The following KCNQ5 variants were observed in gnomAD, a reference collection of about 807,000 sequenced individuals.
KCNQ5 encodes potassium voltage-gated channel subfamily Q member 5, also known as potassium voltage-gated channel subfamily KQT member 5.
Under a neutral mutation model 98.2 loss-of-function variants are expected in KCNQ5, and 30 were observed. That is an observed-to-expected ratio of 0.31 (90% confidence interval 0.23 to 0.41). The LOEUF (loss-of-function observed/expected upper bound fraction) is 0.41, where lower values mean the gene tolerates loss of function less well. Ranked by LOEUF, KCNQ5 falls within the 10% of genes least tolerant of loss-of-function variation. The pLI is 1.00. For missense variants in KCNQ5, 835 were observed against 1,182.5 expected, an observed-to-expected ratio of 0.71 and a Z score of 4.31; for synonymous variants, 458 against 449.4, an observed-to-expected ratio of 1.02 and a Z score of -0.24.
intron 1 of KCNQ5, among the ~76,000 whole-genome samples, chr6:72,771,570 G>T (rs62410663): frequency 0.088 from 13,412 of 151,612 alleles, 678 homozygotes; most frequent in African/African-American, 0.14. Flanking sequence ...TCATATTTAG[G>T]TGCTCTTCCC....
chr6:73,013,201 C>T (rs1770163126), intron 2 of KCNQ5, among the ~76,000 whole-genome samples: 1 of 152,142 alleles, frequency 6.6e-6, no homozygotes, highest in African/African-American at 2.4e-5. Flanking sequence ...ACACATTCGG[C>T]ATGCAGCATG....
At chr6:73,076,592 G>A (rs944040150) in intron 3 of KCNQ5, among the ~76,000 whole-genome samples, 45 of 152,112 alleles carry the variant, frequency 3.0e-4, no homozygotes, top group Admixed American at 6.6e-4. Flanking sequence ...CAAACATTAA[G>A]TATTCATTCC....
intron 5 of KCNQ5, among the ~76,000 whole-genome samples, chr6:73,085,887 A>G (rs1450233355): frequency 6.6e-6 from 1 of 152,210 alleles, no homozygotes; most frequent in African/African-American, 2.4e-5. Context: ...CACGAAATGT[A>G]ACATTTTTGC....
chr6:73,020,920 GCA>G (rs61611777), intron 2 of KCNQ5, among the ~76,000 whole-genome samples: 6 of 150,642 alleles, frequency 4.0e-5, no homozygotes, highest in Admixed American at 6.6e-5. Flanking sequence ...GCCCACACAT[GCA>G]CACACACACA....
chr6:72,777,965 G>C (rs1773244020), intron 1 of KCNQ5, among the ~76,000 whole-genome samples: 1 of 152,182 alleles, frequency 6.6e-6, no homozygotes, highest in African/African-American at 2.4e-5. Context: ...TTCAGTTAGA[G>C]AAAATCAGTT....
chr6:72,888,143 A>T (rs1778920190), intron 1 of KCNQ5, among the ~76,000 whole-genome samples: 2 of 152,212 alleles, frequency 1.3e-5, no homozygotes, highest in Non-Finnish European at 2.9e-5. Flanking sequence ...TAAAACGTTA[A>T]AATTTGGCAG....
intron 1 of KCNQ5, among the ~76,000 whole-genome samples, chr6:72,831,404 A>G (rs1456589375): frequency 6.6e-6 from 1 of 152,200 alleles, no homozygotes; most frequent in Non-Finnish European, 1.5e-5. Flanking sequence ...CAGCCATAAA[A>G]AAGGATGAGT....
At chr6:73,040,555 C>A (rs548168833) in intron 2 of KCNQ5, among the ~76,000 whole-genome samples, 1 of 152,142 alleles carries the variant, frequency 6.6e-6, no homozygotes, top group East Asian at 1.9e-4. Context: ...ACAAAACCTT[C>A]GGATTATTAA....
intron 1 of KCNQ5, among the ~76,000 whole-genome samples, chr6:72,800,750 C>T (rs1485380354): frequency 1.3e-5 from 2 of 152,266 alleles, no homozygotes; most frequent in African/African-American, 2.4e-5. Context: ...CCTGATTTCT[C>T]TTGTGGGCAT....
At chr6:72,932,713 C>T (rs1315505085) in intron 1 of KCNQ5, among the ~76,000 whole-genome samples, 3 of 152,082 alleles carry the variant, frequency 2.0e-5, no homozygotes, top group East Asian at 1.9e-4. Flanking sequence ...CATTTTTGGA[C>T]GCCTTGTCCT....
chr6:73,151,337 G>A (rs1034664433), intron 10 of KCNQ5, among the ~76,000 whole-genome samples: 2 of 151,958 alleles, frequency 1.3e-5, no homozygotes, highest in African/African-American at 4.8e-5. Flanking sequence ...TGAGTGTACT[G>A]CTAACTTCTG....
intron 1 of KCNQ5, among the ~76,000 whole-genome samples, chr6:72,826,984 T>G (rs953747023): frequency 3.3e-5 from 5 of 152,206 alleles, no homozygotes; most frequent in Non-Finnish European, 5.9e-5. Flanking sequence ...GTGTTTAACT[T>G]TATGTTCCTG....
chr6:72,787,238 C>T (rs960618118), intron 1 of KCNQ5, among the ~76,000 whole-genome samples: 6 of 152,086 alleles, frequency 3.9e-5, no homozygotes, highest in African/African-American at 1.4e-4. Flanking sequence ...GAAAATTGTA[C>T]AAAATTCAAA....
chr6:73,029,904 C>CAA (rs56804434), intron 2 of KCNQ5, among the ~76,000 whole-genome samples: 41,428 of 78,330 alleles, frequency 0.53, 12,225 homozygotes, highest in Non-Finnish European at 0.67. Context: ...GACTCCGTCT[C>CAA]AAAAAAAAAA....
At chr6:73,003,833 C>A in intron 1 of KCNQ5, 75 bp from the exon 2 acceptor site, 1 of 981,502 alleles carries the variant, frequency 1.0e-6, no homozygotes, top group Non-Finnish European at 1.6e-6. Context: ...GTGCTTTATT[C>A]ATTTGAAGCA....
intron 13 of KCNQ5, among the ~76,000 whole-genome samples, chr6:73,192,990 G>A (rs1216456511): frequency 1.4e-5 from 2 of 141,526 alleles, no homozygotes; most frequent in Non-Finnish European, 3.1e-5. Context: ...TGTTTCAGTT[G>A]TTTTTATTGT....
intron 1 of KCNQ5, among the ~76,000 whole-genome samples, chr6:72,881,500 A>G (rs1259286064): frequency 6.6e-6 from 1 of 152,148 alleles, no homozygotes; most frequent in Non-Finnish European, 1.5e-5. Context: ...CAATCATGTG[A>G]CAAGCATGAT....
At chr6:72,628,987 G>A (rs2098919393) in intron 1 of KCNQ5, among the ~76,000 whole-genome samples, 1 of 152,040 alleles carries the variant, frequency 6.6e-6, no homozygotes. Context: ...TTTATTGCTT[G>A]TCTCTCCCCT....
intron 3 of KCNQ5, among the ~76,000 whole-genome samples, chr6:73,046,137 C>T (rs979118951): frequency 3.9e-5 from 6 of 152,130 alleles, no homozygotes; most frequent in African/African-American, 1.4e-4. Context: ...AAAGTTAGAT[C>T]AGACTCCCAA....
Sources: gnomAD v4.1 joint callset for allele counts (sites outside exome capture counted in the v4.1 genomes callset) on GRCh38, gnomAD v4.1.1 for gene constraint, MANE v1.5 for transcripts, NCBI Gene and HGNC (gene_info 2026-07-23, HGNC 2026-07-21) for gene names.